The following FHL3 variants were observed in gnomAD, a reference collection of about 807,000 sequenced individuals.
FHL3 encodes the protein four and a half LIM domains protein 3.
Under a neutral mutation model 34.3 loss-of-function variants are expected in FHL3, and 21 were observed. That is an observed-to-expected ratio of 0.61 (90% CI 0.43 to 0.88). The LOEUF is 0.88. FHL3 is among the 40% of genes least tolerant of loss of function. The pLI is 0.00. For missense variants in FHL3, 333 were observed against 373.7 expected (o/e 0.89, Z 0.90); for synonymous variants, 137 against 144.6 (o/e 0.95, Z 0.38).
intron 1 of FHL3, 58 bp from the exon 2 acceptor site, chr1:37,999,490 G>A: frequency 1.3e-6 from 2 of 1,523,566 alleles, no homozygotes; most frequent in Admixed American, 3.6e-5. Flanking sequence ...CTTGGCTCCT[G>A]GCAAAGAGGC....
intron 1 of FHL3, 86 bp from the exon 2 acceptor site, chr1:37,999,518 A>G (rs773517741): frequency 1.5e-6 from 2 of 1,302,018 alleles, no homozygotes; most frequent in African/African-American, 1.5e-5. Flanking sequence ...TTCAAAACAC[A>G]GCCAAGAGAC....
chr1:37,999,562 G>A (rs1454091653), intron 1 of FHL3, 130 bp from the exon 2 acceptor site: 4 of 788,382 alleles, frequency 5.1e-6, no homozygotes, highest in East Asian at 5.4e-5. Flanking sequence ...GAGTAGGTGG[G>A]GATGGGGAAG....
chr1:38,004,645 T>C (rs1450184924), intron 1 of FHL3, among the ~76,000 whole-genome samples: 2 of 152,186 alleles, frequency 1.3e-5, no homozygotes, highest in Non-Finnish European at 2.9e-5. Flanking sequence ...TCTCTTCTTG[T>C]CTACATGGCT....
intron 3 of FHL3, chr1:37,998,679 G>T: frequency 2.4e-6 from 1 of 422,292 alleles, no homozygotes. Context: ...CATACATTAA[G>T]ACCCAATGCA....
Position 37,997,831 on chromosome 1 carries a change from A to G in FHL3, c.541T>C (p.Trp181Arg). The change falls in exon 5 of 6, where the codon TGG becomes CGG. Residue 181 changes from tryptophan (W) to arginine (R), a missense_variant. Coordinates refer to ENST00000373016, the MANE Select transcript of FHL3 (RefSeq NM_004468.5). This position sits in a 1 kb window ranked among gnomAD's most constrained non-coding sequence, Gnocchi z 4.3. ...QGGVTYRDQP[W>R]HRECLVCTGC... ...GTACAGACCAGACATTCTCGATGCC[A>G]CGGCTGATCACGGTATGTCACTCCA... 1 of 1,614,052 alleles carries G rather than the reference A, an allele frequency of 6.2e-7. No homozygotes were observed. Among genetic ancestry groups the G allele is most frequent in the Non-Finnish European group, 8.5e-7 (1 of 1,179,976 alleles).
rs561744610 is a variant in FHL3, at chr1:37,997,152, A to G, written c.*253T>C. 269 of 466,858 alleles carry G rather than the reference A, an allele frequency of 5.8e-4. 1 individual carries two copies. The highest frequency in any genetic ancestry group is 3.5e-3 in the South Asian group (130 of 37,418). 28.9% of individuals were successfully genotyped at this position (466,858 alleles called of 1,614,324 possible). A position where few individuals can be genotyped will look rare whatever the true frequency, so the allele number is the denominator to read the frequency against. ...GACTCAGTCTGGGAACCCAGACTGC[A>G]GGGGAGAGGGTGAATTCTGGAGTCC... On this transcript the variant is annotated 3_prime_UTR_variant, in exon 6 of 6. Coordinates refer to ENST00000373016, the MANE Select transcript of FHL3 (RefSeq NM_004468.5). The surrounding 1 kb of genome is among the most constrained non-coding windows in gnomAD (Gnocchi z 4.3).
rs564694826 is a variant in FHL3, at chr1:37,998,549, G to A, written c.332-417C>T. 2.1e-4 allele frequency among the ~76,000 whole-genome samples: 32 copies of A among 152,162 alleles called. 1 individual carries two copies. In the South Asian group the frequency reaches 6.0e-3, roughly 29 times the overall value. On this transcript the variant is annotated intron_variant, in intron 3 of 5. Coordinates refer to ENST00000373016, the MANE Select transcript of FHL3 (RefSeq NM_004468.5). ...CTAATGCCCTGGGCATGACAGGTTCGGTACATGCTAAGCCCTCGCATCTCC... is the reference window on the plus strand; with the variant it reads ...CTAATGCCCTGGGCATGACAGGTTCAGTACATGCTAAGCCCTCGCATCTCC...
chr1:38,001,570 G>A (rs1169142437), intron 1 of FHL3, among the ~76,000 whole-genome samples: 5 of 152,214 alleles, frequency 3.3e-5, no homozygotes, highest in Non-Finnish European at 7.4e-5. Context: ...GCACCAACAA[G>A]GCCCACCTGT....
Position 37,997,256 on chromosome 1 carries a change from T to G in FHL3, c.*149A>C, listed in dbSNP as rs754136320. 6.1e-6 allele frequency: 5 copies of G among 813,812 alleles called. No homozygotes were observed. Among genetic ancestry groups the G allele is most frequent in the Non-Finnish European group, 9.8e-6 (5 of 509,806 alleles). The allele number at this position is 813,812 out of a possible 1,614,324, so 50.4% of individuals were successfully genotyped here. On this transcript the variant is annotated 3_prime_UTR_variant, in exon 6 of 6. Coordinates refer to ENST00000373016, the MANE Select transcript of FHL3 (RefSeq NM_004468.5). The surrounding 1 kb of genome is among the most constrained non-coding windows in gnomAD (Gnocchi z 4.3). ...GGCCCTGGGTCAGGGAGTACCAGTT[T>G]GGGGATGCTGGAGTGGGGAGACAAT...
rs982382865 is a variant in FHL3 at position 37,999,060 on chromosome 1, C to A, written c.245G>T (p.Cys82Phe). The change falls in exon 3 of 6, where the codon TGC (cysteine) becomes TTC (phenylalanine). Residue 82 changes from cysteine (C) to phenylalanine (F), a missense_variant. By Grantham distance (205) the Cys-to-Phe change is radical (BLOSUM62 -2). Coordinates refer to ENST00000373016, the MANE Select transcript of FHL3 (RefSeq NM_004468.5). ...ATTGCAGAGCAGCTCACTGTCCTGGCAGGTGAAGGGTTCATCGGCTAGTGA... is the reference window on the plus strand; with the variant it reads ...ATTGCAGAGCAGCTCACTGTCCTGGAAGGTGAAGGGTTCATCGGCTAGTGA... The part of the protein sequence containing the change: ...QRSLADEPFT[C>F]QDSELLCNDC... 2.5e-6 allele frequency: 4 copies of A among 1,614,232 alleles called. No homozygotes were observed. Among genetic ancestry groups the A allele is most frequent in the Non-Finnish European group, 3.4e-6 (4 of 1,180,036 alleles).
intron 1 of FHL3, among the ~76,000 whole-genome samples, chr1:38,003,843 G>T (rs1646618669): frequency 6.6e-6 from 1 of 152,156 alleles, no homozygotes; most frequent in Non-Finnish European, 1.5e-5. Flanking sequence ...AAGGGCAGGG[G>T]AACAGGAGAT....
In FHL3 at chr1:37,997,299, G is replaced by T; in HGVS notation, c.*106C>A. 2 of 1,228,086 alleles carry T rather than the reference G, an allele frequency of 1.6e-6. No individual in the cohort carries two copies. Among genetic ancestry groups the T allele is most frequent in the Non-Finnish European group, 2.3e-6 (2 of 877,532 alleles). 76.1% of individuals were successfully genotyped at this position (1,228,086 alleles called of 1,614,324 possible). ...GAGACAATCCTGGAGCCCAGAAGGA[G>T]ACCCATTTTTTTTGGCGGGGGGAGC... On this transcript the variant is annotated 3_prime_UTR_variant, in exon 6 of 6. Transcript: ENST00000373016. This position sits in a 1 kb window ranked among gnomAD's most constrained non-coding sequence, Gnocchi z 4.3.
Position 37,997,953 on chromosome 1 carries a change from C to A in FHL3, c.501+10G>T. ...CTCACTCACCCCCACCTGGCTGGCC[C>A]AGCCCCCACCTTGCTGCAGCGGGCG... On this transcript the variant is annotated intron_variant, in intron 4 of 5. Transcript: ENST00000373016. The surrounding 1 kb of genome is among the most constrained non-coding windows in gnomAD (Gnocchi z 4.3). The A allele has an allele frequency of 6.2e-7, 1 of 1,614,116 alleles. No individual in the cohort carries two copies. Among genetic ancestry groups the A allele is most frequent in the Admixed American group, 1.7e-5 (1 of 60,030 alleles).
rs1339243315 is a variant in FHL3 at position 37,997,612 on chromosome 1, A to G, written c.689-53T>C. The G allele has an allele frequency of 1.9e-6, 3 of 1,612,234 alleles. No individual in the cohort carries two copies. The Admixed American group carries it at 5.0e-5, about 27-fold the overall frequency. ...CAGATGTGGGGATGGTCCGGCCCTCAACCTCACCCAATACCACATCCCACT... is the reference window on the plus strand; with the variant it reads ...CAGATGTGGGGATGGTCCGGCCCTCGACCTCACCCAATACCACATCCCACT... On this transcript the variant is annotated intron_variant, in intron 5 of 5. Transcript: ENST00000373016. This position sits in a 1 kb window ranked among gnomAD's most constrained non-coding sequence, Gnocchi z 4.3.
intron 1 of FHL3, 123 bp from the exon 2 acceptor site, chr1:37,999,555 T>A: frequency 1.2e-6 from 1 of 852,926 alleles, no homozygotes; most frequent in Non-Finnish European, 1.8e-6. Flanking sequence ...CAGTTCAGAG[T>A]AGGTGGGGAT....
In FHL3 at chr1:37,997,424, C is replaced by T; in HGVS notation, c.824G>A (p.Cys275Tyr). The change falls in exon 6 of 6, where the codon TGT becomes TAT. Residue 275 changes from cysteine (C) to tyrosine (Y), a missense_variant. Cys to Tyr is a radical substitution (Grantham distance 194). Transcript: ENST00000373016. The surrounding 1 kb of genome is among the most constrained non-coding windows in gnomAD (Gnocchi z 4.3). ...CCTGGCTTAGGGCCCTGCCTGGCTA[C>T]AGCCCTGGCAGAGCACTTGGTCTCC... is the stretch of plus-strand genomic sequence containing the variant. ...PDGDQVLCQG[C>Y]SQAGP 6.2e-7 allele frequency: 1 copy of T among 1,613,954 alleles called. No homozygotes were observed. Among genetic ancestry groups the T allele is most frequent in the South Asian group, 1.1e-5 (1 of 91,084 alleles).
chr1:37,998,101 T>C lies in FHL3; in HGVS notation c.363A>G (p.Thr121=), dbSNP rs755644231. The part of the protein sequence containing the change: ...GSRKLEYGGQ[T]WHEHCFLCSG... ...TGCACAGGAAGCAGTGCTCATGCCA[T>C]GTCTGGCCTCCATATTCCAGCTTCC... Residue 121 remains threonine (T), a synonymous_variant, in exon 4 of 6, where the codon ACA becomes ACG. Coordinates refer to ENST00000373016, the MANE Select transcript of FHL3 (RefSeq NM_004468.5). 6.2e-7 allele frequency: 1 copy of C among 1,614,068 alleles called. No homozygotes were observed. Among genetic ancestry groups the C allele is most frequent in the South Asian group, 1.1e-5 (1 of 91,086 alleles).
rs750920418 is a variant in FHL3 at position 37,998,053 on chromosome 1, G to C, written c.411C>G (p.Gly137=). 2.4e-5 allele frequency: 38 copies of C among 1,613,958 alleles called. No homozygotes were observed. The East Asian group carries it at 8.0e-4, about 34-fold the overall frequency. The change falls in exon 4 of 6, where the codon GGC becomes GGG. Residue 137 remains glycine (G), a synonymous_variant. Coordinates refer to ENST00000373016, the MANE Select transcript of FHL3 (RefSeq NM_004468.5). ...CCTTGTCGGGCACAAAAGAACGGGA[G>C]CCCAGTGGCTGTTCACAGCCACTGC... The part of the protein sequence containing the change: ...FLCSGCEQPL[G]SRSFVPDKGA...
chr1:37,997,540 A>T lies in FHL3; in HGVS notation c.708T>A (p.Tyr236Ter). 2 of 1,613,824 alleles carry T rather than the reference A, an allele frequency of 1.2e-6. No individual in the cohort carries two copies. The highest frequency in any genetic ancestry group is 1.7e-6 in the Non-Finnish European group (2 of 1,179,882). ...GCCAGTGTCGGTCTTCAAAGGACAC[A>T]TACTTGCCTCCACCGAGTCCTGGAG... ...RPIVGLGGGK[Y>*]VSFEDRHWHH... The change falls in exon 6 of 6, where the codon TAT becomes TAA. Residue 236 changes from tyrosine to a stop codon, truncating the protein, a stop_gained. Transcript: ENST00000373016. LOFTEE classifies it high-confidence loss of function. The surrounding 1 kb of genome is among the most constrained non-coding windows in gnomAD (Gnocchi z 4.3).
Sources: gnomAD v4.1 joint callset for allele counts (sites outside exome capture counted in the v4.1 genomes callset) on GRCh38, gnomAD v4.1.1 for gene constraint, Gnocchi (gnomAD v3.1) non-coding constraint, MANE v1.5 for transcripts, NCBI Gene and HGNC (gene_info 2026-07-23, HGNC 2026-07-21) for gene names.